Variants in DOP1A observed in about 807,000 individuals in gnomAD.
The protein encoded by DOP1A is DOP1 leucine zipper like protein A.
A neutral mutation model predicts 267.6 loss-of-function variants in DOP1A; 90 were observed. The ratio of observed to expected loss-of-function variants is 0.34; its 90% CI spans 0.28 to 0.40. DOP1A has a LOEUF of 0.40. Ranked by LOEUF, DOP1A falls within the 10% of genes least tolerant of loss-of-function variation. The probability of loss-of-function intolerance (pLI) is 1.00; values close to 1 mark genes in which losing one functional copy is unlikely to be tolerated. For synonymous variants in DOP1A, 932 were observed against 999.1 expected, an observed-to-expected ratio of 0.93 and a Z score of 1.27; for missense variants, 2,437 against 2,900.4, an observed-to-expected ratio of 0.84 and a Z score of 3.67.
chr6:83,106,376 A>G (rs1773604531), intron 4 of DOP1A, among the ~76,000 whole-genome samples: 1 of 152,234 alleles, frequency 6.6e-6, no homozygotes, highest in South Asian at 2.1e-4. Flanking sequence ...TGAAGCCAAG[A>G]GAATAATTGA....
chr6:83,153,432 TAACA>T lies in DOP1A; in HGVS notation c.6130-75_6130-72del, dbSNP rs553421633. The T allele has an allele frequency of 1.9e-3, 1,691 of 879,474 alleles. 12 individuals carry two copies. The highest frequency in any genetic ancestry group is 1.5e-3 in the Middle Eastern group (6 of 4,024). The allele number at this position is 879,474 out of a possible 1,614,324, so 54.5% of individuals were successfully genotyped here. On this transcript the variant is annotated intron_variant, in intron 30 of 38. Transcript: ENST00000349129. ...CTAATTTTAAGTAGTCTAGGTTTTC[TAACA>T]AACTGAAAATCAGTACCTTGGGATG...
intron 11 of DOP1A, 69 bp downstream of exon 11, chr6:83,122,119 G>C: frequency 6.5e-7 from 1 of 1,544,304 alleles, no homozygotes; most frequent in Non-Finnish European, 8.8e-7. Context: ...AACTTGAAGT[G>C]TAATAACTTG....
At chr6:83,071,752 T>C (rs1785641615) in intron 1 of DOP1A, among the ~76,000 whole-genome samples, 1 of 152,336 alleles carries the variant, frequency 6.6e-6, no homozygotes, top group Non-Finnish European at 1.5e-5. Flanking sequence ...AAGATAATAT[T>C]CTTGAATCAG....
intron 1 of DOP1A, among the ~76,000 whole-genome samples, chr6:83,089,387 A>C (rs1265060474): frequency 6.6e-6 from 1 of 152,250 alleles, no homozygotes; most frequent in Non-Finnish European, 1.5e-5. Flanking sequence ...ACTTGCCCAG[A>C]GAAATCTACA....
intron 27 of DOP1A, among the ~76,000 whole-genome samples, chr6:83,149,183 G>C (rs1477197453): frequency 6.6e-6 from 1 of 152,140 alleles, no homozygotes; most frequent in Non-Finnish European, 1.5e-5. Flanking sequence ...TGGCTGAAGG[G>C]GAACTTCACA....
chr6:83,095,904 C>G (rs1380065900), intron 1 of DOP1A, among the ~76,000 whole-genome samples: 1 of 152,066 alleles, frequency 6.6e-6, no homozygotes, highest in Admixed American at 6.6e-5. Flanking sequence ...TTGAAAGTGT[C>G]TTCATGATGT....
chr6:83,129,181 A>C lies in DOP1A; in HGVS notation c.2014A>C (p.Thr672Pro), dbSNP rs747677240. 1 of 1,612,968 alleles carries C rather than the reference A, an allele frequency of 6.2e-7. No homozygotes were observed. The highest frequency in any genetic ancestry group is 8.5e-7 in the Non-Finnish European group (1 of 1,179,482). The change falls in exon 16 of 39, where the codon ACT becomes CCT. Residue 672 changes from threonine to proline, a missense_variant. Physicochemically the swap from Thr to Pro is conservative, Grantham distance 38 (BLOSUM62 -1). Transcript: ENST00000349129. Reference protein sequence around the residue: ...ATRSRKTAQKTAMQCCLEYVQ... With the variant: ...ATRSRKTAQKPAMQCCLEYVQ... ...CCGAAGTAGGAAGACAGCCCAAAAG[A>C]CTGCAATGCAGTGCTGCTTGGAGTA...
chr6:83,127,904 T>C (rs1476077674), intron 15 of DOP1A, among the ~76,000 whole-genome samples: 2 of 152,116 alleles, frequency 1.3e-5, no homozygotes, highest in African/African-American at 4.8e-5. Context: ...CATTAGGAAA[T>C]GGTGGTTTGG....
intron 24 of DOP1A, 99 bp downstream of exon 24, chr6:83,142,145 G>A (rs750834143): frequency 1.5e-4 from 215 of 1,399,680 alleles, no homozygotes; most frequent in Middle Eastern, 7.2e-4. Flanking sequence ...GGGTAGATTC[G>A]AGTGTAAAGC....
At chr6:83,075,918 A>C (rs1054379436) in intron 1 of DOP1A, among the ~76,000 whole-genome samples, 4 of 152,244 alleles carry the variant, frequency 2.6e-5, no homozygotes, top group Admixed American at 6.5e-5. Flanking sequence ...AAGCTTTATG[A>C]CATTGAGTTT....
intron 4 of DOP1A, among the ~76,000 whole-genome samples, chr6:83,105,429 A>G (rs925873702): frequency 5.7e-5 from 8 of 140,472 alleles, no homozygotes; most frequent in African/African-American, 2.2e-4. Context: ...CAGTGGCACA[A>G]TCTTGGCCCA....
chr6:83,151,546 T>G, intron 27 of DOP1A, 47 bp from the exon 28 acceptor site: 1 of 1,513,216 alleles, frequency 6.6e-7, no homozygotes, highest in Middle Eastern at 1.8e-4. Flanking sequence ...CATTAGTTTC[T>G]TTTAGCCTGA....
intron 24 of DOP1A, 30 bp downstream of exon 24, chr6:83,142,076 T>A: frequency 6.2e-7 from 1 of 1,606,468 alleles, no homozygotes; most frequent in African/African-American, 1.3e-5. Flanking sequence ...GCACTTTTTG[T>A]TTTTGCATTT....
rs1211826025 is a variant in DOP1A at position 83,124,751 on chromosome 6, G to A, written c.1387G>A (p.Asp463Asn). The A allele has an allele frequency of 2.5e-6, 4 of 1,613,050 alleles. No homozygotes were observed. Among genetic ancestry groups the A allele is most frequent in the African/African-American group, 1.3e-5 (1 of 74,860 alleles). Reference sequence around the variant, plus strand: ...TCAGATTGGACCTGGAGATAGTAATGACTCATCTGAATTACAGCTGACCAA... The same window carrying A: ...TCAGATTGGACCTGGAGATAGTAATAACTCATCTGAATTACAGCTGACCAA... Reference protein sequence around the residue: ...RLQIGPGDSNDSSELQLTNFC... With the variant: ...RLQIGPGDSNNSSELQLTNFC... Residue 463 changes from aspartate (D) to asparagine (N), a missense_variant, in exon 13 of 39, where the codon GAC becomes AAC. Around this residue, in one of 9 missense-constraint regions of DOP1A, gnomAD observed 498 missense variants for 513.5 expected, o/e 0.97. Coordinates refer to ENST00000349129, the MANE Select transcript of DOP1A (RefSeq NM_015018.4).
At chr6:83,072,788 A>T (rs1005913647) in intron 1 of DOP1A, among the ~76,000 whole-genome samples, 2 of 152,224 alleles carry the variant, frequency 1.3e-5, no homozygotes, top group Non-Finnish European at 2.9e-5. Flanking sequence ...TGTTATTTTT[A>T]TCGAATATTC....
Position 83,162,902 on chromosome 6 carries a change from C to CT in DOP1A, c.7077dup (p.Arg2360SerfsTer72). On this transcript the variant is annotated frameshift_variant, in exon 38 of 39. Transcript: ENST00000349129. LOFTEE classifies it high-confidence loss of function. ...TTACGTGGTACGACTAGCAAAACTT[C>CT]TTCGGAAAAGAGCAAAGGTATCGCA... The CT allele has an allele frequency of 6.2e-7, 1 of 1,612,536 alleles. No homozygotes were observed. The highest frequency in any genetic ancestry group is 2.2e-5 in the East Asian group (1 of 44,844).
Position 83,159,048 on chromosome 6 carries a change from A to G in DOP1A, c.6797+426A>G, listed in dbSNP as rs1000350903. On this transcript the variant is annotated intron_variant, in intron 36 of 38. Transcript: ENST00000349129. ...TTTAATAGAGGCAGTTTATTAATGT[A>G]TGACTAAATACAATTTTTTACTTAC... 2.0e-5 allele frequency among the ~76,000 whole-genome samples: 3 copies of G among 152,278 alleles called. No homozygotes were observed. The East Asian group carries it at 5.8e-4, about 29-fold the overall frequency.
At chr6:83,146,020 CTTTCT>C (rs1453007068) in intron 25 of DOP1A, among the ~76,000 whole-genome samples, 8 of 152,236 alleles carry the variant, frequency 5.3e-5, no homozygotes, top group African/African-American at 1.9e-4. Flanking sequence ...TTCTTTATTG[CTTTCT>C]TTTCTGAATG....
At chr6:83,105,599 G>A (rs1439893129) in intron 4 of DOP1A, among the ~76,000 whole-genome samples, 13 of 151,918 alleles carry the variant, frequency 8.6e-5, no homozygotes, top group African/African-American at 2.9e-4. Context: ...TCCTGACTTC[G>A]TGATCCGCCT....
Sources: gnomAD v4.1 joint callset for allele counts (sites outside exome capture counted in the v4.1 genomes callset) on GRCh38, gnomAD v4.1.1 for gene constraint, gnomAD v4.1.1 regional missense constraint, MANE v1.5 for transcripts, NCBI Gene and HGNC (gene_info 2026-07-23, HGNC 2026-07-21) for gene names.